The following DNAH11 variants were observed in gnomAD, a reference collection of about 807,000 sequenced individuals.
DNAH11 encodes dynein axonemal heavy chain 11, also known as axonemal beta dynein heavy chain 11.
DNAH11 carries 442 observed loss-of-function variants against 526.0 expected under a neutral mutation model. The ratio of observed to expected loss-of-function variants is 0.84; its 90% confidence interval spans 0.78 to 0.91. The LOEUF is 0.91. DNAH11 is among the 40% of genes least tolerant of loss of function. The probability of loss-of-function intolerance (pLI) is 0.00; values close to 1 mark genes in which losing one functional copy is unlikely to be tolerated. For missense variants in DNAH11, 6,989 were observed against 5,448.7 expected (o/e 1.28, Z -8.90); for synonymous variants, 2,461 against 1,935.9 (o/e 1.27, Z -7.12).
chr7:21,863,315 C>A (rs866281538), intron 69 of DNAH11, among the ~76,000 whole-genome samples: 1 of 152,130 alleles, frequency 6.6e-6, no homozygotes, highest in South Asian at 2.1e-4. Context: ...CAAGGCATTA[C>A]ACAATGAAAT....
intron 45 of DNAH11, among the ~76,000 whole-genome samples, chr7:21,728,717 C>A (rs796263820): frequency 3.3e-5 from 5 of 152,316 alleles, no homozygotes; most frequent in African/African-American, 1.2e-4. Flanking sequence ...TGTGAACTTA[C>A]AAAACCAGAG....
intron 68 of DNAH11, among the ~76,000 whole-genome samples, chr7:21,855,805 T>A (rs1258848275): frequency 6.6e-6 from 1 of 152,172 alleles, no homozygotes; most frequent in African/African-American, 2.4e-5. Flanking sequence ...GGTGGAGGTA[T>A]ATCTATATGT....
At chr7:21,893,862 C>T (rs1396753784) in intron 77 of DNAH11, among the ~76,000 whole-genome samples, 1 of 152,140 alleles carries the variant, frequency 6.6e-6, no homozygotes, top group Non-Finnish European at 1.5e-5. Context: ...GCTTAAAAGG[C>T]TTATTTGGGT....
intron 55 of DNAH11, among the ~76,000 whole-genome samples, chr7:21,770,603 C>T (rs1019035453): frequency 2.4e-4 from 36 of 152,128 alleles, no homozygotes; most frequent in Admixed American, 1.2e-3. Flanking sequence ...TAAATAATGC[C>T]GCTGGTAAGG....
chr7:21,586,216 T>C (rs1332922488), intron 9 of DNAH11, among the ~76,000 whole-genome samples: 1 of 152,226 alleles, frequency 6.6e-6, no homozygotes, highest in Non-Finnish European at 1.5e-5. Context: ...AAGCTTCTGG[T>C]ATTCTTTCCA....
At chr7:21,828,241 G>T (rs531552107) in intron 65 of DNAH11, among the ~76,000 whole-genome samples, 2 of 152,122 alleles carry the variant, frequency 1.3e-5, no homozygotes, top group Non-Finnish European at 2.9e-5. Flanking sequence ...GAGCCACCGC[G>T]CCTGGCCTAG....
chr7:21,791,502 A>T (rs1418558299), intron 61 of DNAH11, among the ~76,000 whole-genome samples: 1 of 152,224 alleles, frequency 6.6e-6, no homozygotes, highest in Non-Finnish European at 1.5e-5. Context: ...TTGCAAAGAT[A>T]GTGTCCTGAT....
chr7:21,856,705 G>A (rs183555356), intron 68 of DNAH11, among the ~76,000 whole-genome samples: 3 of 151,788 alleles, frequency 2.0e-5, no homozygotes, highest in Admixed American at 2.0e-4. Context: ...TAATTAATCA[G>A]TTAACAGAAT....
chr7:21,619,014 G>C, intron 23 of DNAH11, 86 bp from the exon 24 acceptor site: 1 of 1,550,978 alleles, frequency 6.4e-7, no homozygotes, highest in Non-Finnish European at 8.8e-7. Flanking sequence ...GTATATTTTA[G>C]TTAAGATTCA....
At position 21,811,632 on chromosome 7, in the gene DNAH11, G is replaced by T. The variant is rs950123786; in HGVS notation, c.10332+3583G>T. The stretch of plus-strand genomic sequence containing the variant: ...AGTTTGGGAACATGAAAAAGTTCTG[G>T]AGCTAGATAATGATGATGGTTGTAC... On this transcript the variant is annotated intron_variant, in intron 63 of 81. Transcript: ENST00000409508. Among the ~76,000 whole-genome samples the T allele has an allele frequency of 2.0e-5, 3 of 152,194 alleles. No individual in the cohort carries two copies. In the East Asian group the frequency reaches 5.8e-4, roughly 29 times the overall value.
At position 21,779,110 on chromosome 7, in the gene DNAH11, G is replaced by T. The variant is rs999300101; in HGVS notation, c.9483+6G>T. On this transcript the variant is annotated splice_donor_region_variant and intron_variant, in intron 57 of 81. Transcript: ENST00000409508. ...CTGATGCTGAGGAGCGAAAGGTCAGGCTAATTCCAACATTTAGAGTGCGGA... is the reference window on the plus strand; with the variant it reads ...CTGATGCTGAGGAGCGAAAGGTCAGTCTAATTCCAACATTTAGAGTGCGGA... 5.6e-6 allele frequency: 9 copies of T among 1,610,228 alleles called. No individual in the cohort carries two copies. In the East Asian group the frequency reaches 2.0e-4, roughly 36 times the overall value.
At chr7:21,866,029 G>C (rs1352340068) in intron 70 of DNAH11, among the ~76,000 whole-genome samples, 2 of 152,158 alleles carry the variant, frequency 1.3e-5, no homozygotes, top group Non-Finnish European at 2.9e-5. Flanking sequence ...CTTACTGCAA[G>C]CTGTTTTATC....
At chr7:21,883,445 G>A (rs1435693328) in intron 75 of DNAH11, among the ~76,000 whole-genome samples, 1 of 152,188 alleles carries the variant, frequency 6.6e-6, no homozygotes, top group Non-Finnish European at 1.5e-5. Flanking sequence ...ACAACCCTTA[G>A]AACAGTCATT....
At chr7:21,644,628 C>G (rs1001392280) in intron 28 of DNAH11, among the ~76,000 whole-genome samples, 3 of 152,072 alleles carry the variant, frequency 2.0e-5, no homozygotes, top group African/African-American at 7.2e-5. Flanking sequence ...CAAAAGGACA[C>G]AGAAAAGGGG....
chr7:21,689,162 T>G (rs1783510145), intron 34 of DNAH11, among the ~76,000 whole-genome samples: 2 of 152,210 alleles, frequency 1.3e-5, no homozygotes, highest in African/African-American at 2.4e-5. Flanking sequence ...TCTAAGGCCA[T>G]GATAGAGAGG....
At chr7:21,791,024 G>T (rs936546176) in intron 61 of DNAH11, among the ~76,000 whole-genome samples, 1 of 152,212 alleles carries the variant, frequency 6.6e-6, no homozygotes, top group Admixed American at 6.5e-5. Context: ...TCCTGTTATG[G>T]CCTCAGCTCA....
rs1289567904 is a variant in DNAH11, at chr7:21,725,831, C to A, written c.7287C>A (p.Asp2429Glu). 1 of 1,611,844 alleles carries A rather than the reference C, an allele frequency of 6.2e-7. No homozygotes were observed. The highest frequency in any genetic ancestry group is 1.3e-5 in the African/African-American group (1 of 75,004). The change falls in exon 45 of 82, where the codon GAC becomes GAA. Residue 2429 changes from aspartate (D) to glutamate (E), a missense_variant. By Grantham distance (45) the Asp-to-Glu change is conservative (BLOSUM62 2). Transcript: ENST00000409508. ...LQDQISDYQADFSRWWQKEMK... is the reference protein window; with the variant it reads ...LQDQISDYQAEFSRWWQKEMK... ...CTTAGATTTCTGATTATCAAGCTGA[C>A]TTCAGTCGGTGGTGGCAGAAAGAGA...
Position 21,637,693 on chromosome 7 carries a change from TAC to T in DNAH11, c.4810_4811del (p.Gln1604ValfsTer7). 6.4e-7 allele frequency: 1 copy of T among 1,557,292 alleles called. No homozygotes were observed. Among genetic ancestry groups the T allele is most frequent in the Non-Finnish European group, 8.7e-7 (1 of 1,149,450 alleles). Reference sequence around the variant, plus strand: ...AATCTCTATGAAAAACTTAAAGATTTACAGTCCAGGTAAGAATAAAGCTATAT... The same window carrying T: ...AATCTCTATGAAAAACTTAAAGATTTAGTCCAGGTAAGAATAAAGCTATAT... On this transcript the variant is annotated frameshift_variant, in exon 27 of 82. Coordinates refer to ENST00000409508, the MANE Select transcript of DNAH11 (RefSeq NM_001277115.2). LOFTEE classifies it high-confidence loss of function.
intron 63 of DNAH11, among the ~76,000 whole-genome samples, chr7:21,813,413 T>C (rs2127998941): frequency 6.6e-6 from 1 of 152,324 alleles, no homozygotes; most frequent in East Asian, 1.9e-4. Context: ...AGAACTCTTG[T>C]AAGGGTTAAA....
Sources: gnomAD v4.1 joint callset for allele counts (sites outside exome capture counted in the v4.1 genomes callset) on GRCh38, gnomAD v4.1.1 for gene constraint, MANE v1.5 for transcripts, NCBI Gene and HGNC (gene_info 2026-07-23, HGNC 2026-07-21) for gene names.